Variants in CSTL1 observed in about 807,000 individuals in gnomAD.
CSTL1 encodes cystatin like 1.
Under a neutral mutation model 14.4 loss-of-function variants are expected in CSTL1, and 14 were observed. That is an observed-to-expected ratio of 0.97 (90% CI 0.64 to 1.52). The LOEUF (loss-of-function observed/expected upper bound fraction) is 1.52, where lower values mean the gene tolerates loss of function less well. CSTL1 is among the 40% of genes most tolerant of loss of function. The probability of loss-of-function intolerance (pLI) is 0.00; values close to 1 mark genes in which losing one functional copy is unlikely to be tolerated. For missense variants in CSTL1, 170 were observed against 168.7 expected (o/e 1.01, Z -0.04); for synonymous variants, 72 against 67.5 (o/e 1.07, Z -0.33).
chr20:23,454,534 T>C, the CSTL1 span, among the ~76,000 whole-genome samples: 4 of 152,196 alleles, frequency 2.6e-5, no homozygotes, highest in Non-Finnish European at 5.9e-5. Flanking sequence ...TGGAGTACAG[T>C]GGAGCGCACA....
downstream of CSTL1, among the ~76,000 whole-genome samples, chr20:23,449,321 A>G (rs1267518771): frequency 6.6e-6 from 1 of 152,112 alleles, no homozygotes; most frequent in Non-Finnish European, 1.5e-5. Flanking sequence ...GCCAATACTG[A>G]TGGGAACTGA....
chr20:23,443,372 C>A (rs1243620524), intron 2 of CSTL1, among the ~76,000 whole-genome samples: 1 of 152,220 alleles, frequency 6.6e-6, no homozygotes, highest in Non-Finnish European at 1.5e-5. Context: ...GAAGCAGGCA[C>A]AATTGTGGTT....
chr20:23,452,581 C>T, the CSTL1 span: 2 of 1,594,588 alleles, frequency 1.3e-6, no homozygotes, highest in Admixed American at 1.7e-5. Context: ...GTCATACACT[C>T]ACCTGCCTCT....
the CSTL1 span, among the ~76,000 whole-genome samples, chr20:23,454,014 A>G: frequency 6.6e-6 from 1 of 151,598 alleles, no homozygotes; most frequent in Non-Finnish European, 1.5e-5. Context: ...ACCTACATGT[A>G]TACATCCACA....
chr20:23,444,262 C>T (rs977674747), intron 3 of CSTL1, among the ~76,000 whole-genome samples: 4 of 152,240 alleles, frequency 2.6e-5, no homozygotes, highest in Admixed American at 2.0e-4. Flanking sequence ...CTGGACCCTT[C>T]TCCAACCTGG....
chr20:23,448,333 T>A (rs1400009442), downstream of CSTL1, among the ~76,000 whole-genome samples: 1 of 152,188 alleles, frequency 6.6e-6, no homozygotes, highest in Non-Finnish European at 1.5e-5. Flanking sequence ...TGAGCCAGCA[T>A]TGAGACAGGA....
chr20:23,456,917 C>T, the CSTL1 span, among the ~76,000 whole-genome samples: 3 of 152,150 alleles, frequency 2.0e-5, no homozygotes, highest in Non-Finnish European at 4.4e-5. Context: ...CTTCTAAGGA[C>T]GTGATTAATT....
At chr20:23,440,691 A>G in intron 2 of CSTL1, 1 of 676,668 alleles carries the variant, frequency 1.5e-6, no homozygotes, top group Non-Finnish European at 2.7e-6. Context: ...ATGCTTTCCT[A>G]AGGACTGGCA....
chr20:23,450,291 AG>A, the CSTL1 span: 1 of 430,198 alleles, frequency 2.3e-6, no homozygotes, highest in Non-Finnish European at 4.2e-6. Flanking sequence ...GGAATAATGT[AG>A]GTCACCTCAT....
chr20:23,461,057 T>C, the CSTL1 span, among the ~76,000 whole-genome samples: 2 of 152,142 alleles, frequency 1.3e-5, no homozygotes, highest in Non-Finnish European at 2.9e-5. Context: ...TTTTCAGAAA[T>C]TGCCACAGCC....
intron 2 of CSTL1, among the ~76,000 whole-genome samples, chr20:23,441,367 T>C (rs1986827138): frequency 6.6e-6 from 1 of 152,190 alleles, no homozygotes; most frequent in Admixed American, 6.5e-5. Context: ...AATATATCAA[T>C]TGAAGGATAA....
chr20:23,455,887 A>T, the CSTL1 span, among the ~76,000 whole-genome samples: 1 of 152,140 alleles, frequency 6.6e-6, no homozygotes, highest in Admixed American at 6.5e-5. Context: ...TGTGAAGAAC[A>T]CCACATCCTC....
chr20:23,455,592 T>A, the CSTL1 span, among the ~76,000 whole-genome samples: 5 of 152,228 alleles, frequency 3.3e-5, no homozygotes. Flanking sequence ...CCCTCCCATG[T>A]GTGCTTTGCA....
chr20:23,459,007 T>C, the CSTL1 span: 1 of 152,298 alleles, frequency 6.6e-6, no homozygotes, highest in African/African-American at 2.4e-5. Flanking sequence ...TGTAGCTCTG[T>C]CTTGGTAGGG....
the CSTL1 span, among the ~76,000 whole-genome samples, chr20:23,460,377 T>C: frequency 6.6e-6 from 1 of 152,232 alleles, no homozygotes; most frequent in Non-Finnish European, 1.5e-5. Flanking sequence ...CTGGAATTTG[T>C]GTTGGTGGAA....
intron 3 of CSTL1, 23 bp from the exon 4 acceptor site, chr20:23,444,748 C>T: frequency 6.6e-7 from 1 of 1,519,694 alleles, no homozygotes; most frequent in South Asian, 1.1e-5. Context: ...CCCCCAAAGT[C>T]TGTTTTCTTT....
Position 23,440,389 on chromosome 20 carries a change from T to A in CSTL1, c.122T>A (p.Met41Lys), listed in dbSNP as rs565594790. The A allele has an allele frequency of 1.2e-6, 2 of 1,614,192 alleles. No homozygotes were observed. The highest frequency in any genetic ancestry group is 2.2e-5 in the South Asian group (2 of 91,082). Residue 41 changes from methionine to lysine, a missense_variant, in exon 2 of 4, where the codon ATG becomes AAG. Transcript: ENST00000347397. The stretch of plus-strand genomic sequence containing the variant: ...CAGAAGCTCATGAGCAAGAAGAACA[T>A]GAATTCAACACTCAACTTCTTCATT... ...FQQKLMSKKN[M>K]NSTLNFFIQS...
chr20:23,446,503 G>T (rs761988119), downstream of CSTL1, among the ~76,000 whole-genome samples: 6 of 152,034 alleles, frequency 3.9e-5, no homozygotes, highest in Non-Finnish European at 5.9e-5. Flanking sequence ...TGATCCACCC[G>T]CCTCCGCCTC....
chr20:23,440,289 A>G lies in CSTL1; in HGVS notation c.22A>G (p.Asn8Asp). The G allele has an allele frequency of 6.2e-7, 1 of 1,614,106 alleles. No homozygotes were observed. ...AGACATGGGGATCGGATGCTGGAGA[A>G]ACCCCCTGCTGCTGCTGATTGCCCT... The part of the protein sequence containing the change: MGIGCWR[N>D]PLLLLIALVL... Residue 8 changes from asparagine to aspartate, a missense_variant, in exon 2 of 4, where the codon AAC (asparagine) becomes GAC (aspartate). Coordinates refer to ENST00000347397, the MANE Select transcript of CSTL1 (RefSeq NM_138283.1).
Sources: gnomAD v4.1 joint callset for allele counts (sites outside exome capture counted in the v4.1 genomes callset) on GRCh38, gnomAD v4.1.1 for gene constraint, MANE v1.5 for transcripts, NCBI Gene and HGNC (gene_info 2026-07-23, HGNC 2026-07-21) for gene names.